The following PSPC1 variants were observed in gnomAD, a reference collection of about 807,000 sequenced individuals.
PSPC1 encodes paraspeckle protein 1.
In PSPC1, 14 loss-of-function variants were observed where a neutral mutation model predicts 51.6. The ratio of observed to expected loss-of-function variants is 0.27; its 90% confidence interval spans 0.18 to 0.42. The LOEUF is 0.42. Ranked by LOEUF, PSPC1 falls within the 10% of genes least tolerant of loss-of-function variation. PSPC1 has a pLI of 1.00. For missense variants in PSPC1, 406 were observed against 701.1 expected, an observed-to-expected ratio of 0.58 and a Z score of 4.75; for synonymous variants, 193 against 231.9, an observed-to-expected ratio of 0.83 and a Z score of 1.53.
intron 4 of PSPC1, among the ~76,000 whole-genome samples, chr13:19,749,776 C>T (rs533435015): frequency 4.5e-4 from 69 of 151,794 alleles, no homozygotes; most frequent in Admixed American, 2.0e-3. Context: ...GGATTACAGG[C>T]GCCCGCCACC....
intron 6 of PSPC1, among the ~76,000 whole-genome samples, chr13:19,687,667 A>AAACC (rs1878072464): frequency 3.3e-4 from 1 of 3,074 alleles, no homozygotes; most frequent in African/African-American, 3.9e-4. Context: ...TTCCACATAA[A>AAACC]TCCCAGTCGT....
chr13:19,746,708 A>T (rs553320763), intron 4 of PSPC1, among the ~76,000 whole-genome samples: 1 of 152,122 alleles, frequency 6.6e-6, no homozygotes, highest in Non-Finnish European at 1.5e-5. Flanking sequence ...CTCAAAAAAA[A>T]ATTTTTTTTT....
chr13:19,772,184 A>C, intron 2 of PSPC1, 58 bp downstream of exon 2: 1 of 1,536,598 alleles, frequency 6.5e-7, no homozygotes, highest in Non-Finnish European at 8.8e-7. Context: ...AGAATTCCAA[A>C]ACAGAGAGAA....
intron 1 of PSPC1, among the ~76,000 whole-genome samples, chr13:19,776,233 G>A (rs532778304): frequency 1.3e-5 from 2 of 152,226 alleles, no homozygotes; most frequent in African/African-American, 4.8e-5. Context: ...AGCTGAGGAG[G>A]AGGGATCATG....
At chr13:19,708,241 AGT>A (rs1260934082) in intron 7 of PSPC1, among the ~76,000 whole-genome samples, 2 of 152,226 alleles carry the variant, frequency 1.3e-5, no homozygotes, top group Non-Finnish European at 2.9e-5. Flanking sequence ...ACATGACTTA[AGT>A]TTCATTTGAT....
chr13:19,712,091 T>C (rs1206023000), intron 6 of PSPC1, among the ~76,000 whole-genome samples: 1 of 152,196 alleles, frequency 6.6e-6, no homozygotes, highest in Non-Finnish European at 1.5e-5. Flanking sequence ...TAGATAAGTA[T>C]CTGTAACAAG....
downstream of PSPC1, chr13:19,699,328 T>TC (rs1411156623): frequency 1.3e-5 from 2 of 151,716 alleles, no homozygotes; most frequent in Non-Finnish European, 3.0e-5. Flanking sequence ...TGCATTTTTT[T>TC]TTCATTATTT....
chr13:19,708,531 A>G (rs1429887405), intron 7 of PSPC1, among the ~76,000 whole-genome samples: 1 of 152,168 alleles, frequency 6.6e-6, no homozygotes, highest in African/African-American at 2.4e-5. Context: ...CTTTTCCTTC[A>G]GGTTATTTAC....
downstream of PSPC1, chr13:19,673,359 G>A (rs770422761): frequency 1.4e-5 from 4 of 280,842 alleles, no homozygotes; most frequent in Non-Finnish European, 2.8e-5. Context: ...TCACGTTTGT[G>A]TAGATATTTC....
intron 2 of PSPC1, among the ~76,000 whole-genome samples, chr13:19,765,822 G>T (rs1037265947): frequency 6.6e-6 from 1 of 152,006 alleles, no homozygotes; most frequent in African/African-American, 2.4e-5. Flanking sequence ...TTCCTAAAAA[G>T]TTAAGTAGCA....
intron 1 of PSPC1, among the ~76,000 whole-genome samples, chr13:19,777,370 C>A (rs1410416735): frequency 1.5e-5 from 2 of 131,412 alleles, no homozygotes; most frequent in East Asian, 4.4e-4. Context: ...GCGGGGGTTG[C>A]AGTGAGCCAA....
At chr13:19,755,602 AC>A (rs1261716546) in intron 3 of PSPC1, among the ~76,000 whole-genome samples, 41 of 151,974 alleles carry the variant, frequency 2.7e-4, no homozygotes, top group African/African-American at 8.4e-4. Context: ...AAAAAAAAAA[AC>A]AATAGATATG....
chr13:19,673,119 A>G (rs1402348550), downstream of PSPC1: 1 of 450,330 alleles, frequency 2.2e-6, no homozygotes, highest in Non-Finnish European at 4.4e-6. Flanking sequence ...TTGAAAAGCC[A>G]GACCTTGTGC....
intron 6 of PSPC1, among the ~76,000 whole-genome samples, chr13:19,682,921 AGCCAGATGCAGTG>A (rs1160678334): frequency 1.3e-5 from 2 of 151,868 alleles, no homozygotes; most frequent in Non-Finnish European, 2.9e-5. Context: ...AAAATAAATT[AGCCAGATGCAGTG>A]GCACATGCCT....
At chr13:19,699,697 CTTACT>C (rs10569810), downstream of PSPC1, among the ~76,000 whole-genome samples, 101,199 of 151,042 alleles carry the variant, frequency 0.67, 36,335 homozygotes, top group East Asian at 0.89. Context: ...AAGCCTGCTA[CTTACT>C]TTAAAGTAGT....
chr13:19,742,078 G>A (rs1007888459), intron 4 of PSPC1, among the ~76,000 whole-genome samples: 1 of 152,076 alleles, frequency 6.6e-6, no homozygotes, highest in African/African-American at 2.4e-5. Context: ...GATGCAATGA[G>A]TTGAGATTGT....
At chr13:19,683,904 A>T (rs898472560) in intron 6 of PSPC1, among the ~76,000 whole-genome samples, 1 of 152,212 alleles carries the variant, frequency 6.6e-6, no homozygotes, top group East Asian at 1.9e-4. Context: ...TGTGAAGTTC[A>T]GCAAAGACTC....
At chr13:19,747,639 T>C (rs1033848743) in intron 4 of PSPC1, among the ~76,000 whole-genome samples, 1 of 152,236 alleles carries the variant, frequency 6.6e-6, no homozygotes, top group African/African-American at 2.4e-5. Context: ...CCAGTTTGTT[T>C]TGTTGTTACG....
chr13:19,694,122 CAAAAAAAAAAAAAAA>C (rs71092389), intron 6 of PSPC1, among the ~76,000 whole-genome samples: 1 of 47,466 alleles, frequency 2.1e-5, no homozygotes, highest in Non-Finnish European at 3.6e-5. Context: ...GACTCCATCT[CAAAAAAAAAAAAAAA>C]AAAAAAAAAA....
Sources: gnomAD v4.1 joint callset for allele counts (sites outside exome capture counted in the v4.1 genomes callset) on GRCh38, gnomAD v4.1.1 for gene constraint, MANE v1.5 for transcripts, NCBI Gene and HGNC (gene_info 2026-07-23, HGNC 2026-07-21) for gene names.